Variants in SNX29 observed in about 807,000 individuals in gnomAD.
SNX29 encodes sorting nexin 29, also known as sorting nexin-29.
SNX29 carries 78 observed loss-of-function variants against 102.1 expected under a neutral mutation model. The observed-to-expected ratio is 0.76, with a 90% CI of 0.64 to 0.92. The LOEUF (loss-of-function observed/expected upper bound fraction) is 0.92, where lower values mean the gene tolerates loss of function less well. Ranked by LOEUF, SNX29 falls within the 40% of genes least tolerant of loss-of-function variation. SNX29 has a pLI of 0.00. For missense variants in SNX29, 1,280 were observed against 1,061.7 expected (o/e 1.21, Z -2.86); for synonymous variants, 580 against 414.5 (o/e 1.40, Z -4.85).
At chr16:12,263,981 C>G (rs1438813889) in intron 14 of SNX29, among the ~76,000 whole-genome samples, 2 of 152,220 alleles carry the variant, frequency 1.3e-5, no homozygotes, top group African/African-American at 2.4e-5. Flanking sequence ...ACCACCATTG[C>G]CATCCATGGA....
intron 11 of SNX29, chr16:12,090,334 C>CG (rs1306999756): frequency 6.6e-6 from 1 of 152,206 alleles, no homozygotes; most frequent in African/African-American, 2.4e-5. Context: ...CGGTGGGGAG[C>CG]GGCGGGGCTC....
chr16:12,502,114 A>G (rs1458545779), intron 19 of SNX29, among the ~76,000 whole-genome samples: 2 of 152,218 alleles, frequency 1.3e-5, no homozygotes, highest in African/African-American at 2.4e-5. Context: ...CTGGGCAGGC[A>G]ACATGCTCCG....
At chr16:12,553,238 CAG>C (rs772720423) in intron 20 of SNX29, among the ~76,000 whole-genome samples, 11 of 152,136 alleles carry the variant, frequency 7.2e-5, no homozygotes, top group Admixed American at 2.6e-4. Flanking sequence ...CTTGAGAATA[CAG>C]AGAGAGATTG....
chr16:12,195,973 C>T (rs1234138707), intron 13 of SNX29, among the ~76,000 whole-genome samples: 1 of 148,154 alleles, frequency 6.7e-6, no homozygotes, highest in Non-Finnish European at 1.5e-5. Context: ...CATTGAGCCT[C>T]AGTTTCTTTT....
intron 14 of SNX29, among the ~76,000 whole-genome samples, chr16:12,235,016 C>G (rs1215976703): frequency 6.6e-6 from 1 of 152,100 alleles, no homozygotes; most frequent in East Asian, 1.9e-4. Flanking sequence ...TTCCTCCTTT[C>G]CCTGTCTCTC....
intron 16 of SNX29, among the ~76,000 whole-genome samples, chr16:12,394,183 T>C (rs1597217310): frequency 6.6e-6 from 1 of 152,214 alleles, no homozygotes; most frequent in East Asian, 1.9e-4. Flanking sequence ...CATCTGTATA[T>C]GTCTACTCTG....
Position 12,572,203 on chromosome 16 carries a change from G to A in SNX29, c.*3574G>A, listed in dbSNP as rs1038982684. 9 of 977,130 alleles carry A rather than the reference G, an allele frequency of 9.2e-6. No individual in the cohort carries two copies. The highest frequency in any genetic ancestry group is 1.1e-5 in the Non-Finnish European group (9 of 799,918). The allele number at this position is 977,130 out of a possible 1,614,324, so 60.5% of individuals were successfully genotyped here. On this transcript the variant is annotated 3_prime_UTR_variant, in exon 21 of 21. Coordinates refer to ENST00000566228, the MANE Select transcript of SNX29 (RefSeq NM_032167.5). ...TTAGAACCATGGCAGGTAGTATTGTGCTTTAAAAACCAGAGGCTCCTGAAA... is the reference window on the plus strand; with the variant it reads ...TTAGAACCATGGCAGGTAGTATTGTACTTTAAAAACCAGAGGCTCCTGAAA...
chr16:12,154,821 C>G (rs987489043), intron 13 of SNX29, among the ~76,000 whole-genome samples: 4 of 152,166 alleles, frequency 2.6e-5, no homozygotes, highest in Non-Finnish European at 5.9e-5. Context: ...AGAGGTGAGG[C>G]TGCTCTCTGG....
chr16:12,229,379 T>C (rs1407291099), intron 14 of SNX29, among the ~76,000 whole-genome samples: 1 of 152,186 alleles, frequency 6.6e-6, no homozygotes, highest in Admixed American at 6.5e-5. Flanking sequence ...TGGATCTAAA[T>C]GAACATCTAA....
intron 18 of SNX29, among the ~76,000 whole-genome samples, chr16:12,470,252 G>A (rs1311105474): frequency 2.0e-5 from 3 of 152,150 alleles, no homozygotes; most frequent in Non-Finnish European, 4.4e-5. Flanking sequence ...GGAGAGGGAG[G>A]CATTTGGTCT....
At chr16:12,254,350 C>T (rs1033354997) in intron 14 of SNX29, among the ~76,000 whole-genome samples, 2 of 152,052 alleles carry the variant, frequency 1.3e-5, no homozygotes, top group African/African-American at 2.4e-5. Context: ...GAGATACCAG[C>T]AAAAGAGATG....
chr16:12,186,829 T>C (rs1296577482), intron 13 of SNX29, among the ~76,000 whole-genome samples: 1 of 152,214 alleles, frequency 6.6e-6, no homozygotes, highest in Non-Finnish European at 1.5e-5. Context: ...TGACAGGAAC[T>C]CAAGGCTTTT....
At chr16:12,040,514 C>T (rs1294487939) in intron 4 of SNX29, among the ~76,000 whole-genome samples, 1 of 152,194 alleles carries the variant, frequency 6.6e-6, no homozygotes, top group Non-Finnish European at 1.5e-5. Flanking sequence ...TTAGGTTTCC[C>T]ATAACGCCTT....
chr16:12,535,220 C>T (rs921778521), intron 20 of SNX29, among the ~76,000 whole-genome samples: 5 of 152,224 alleles, frequency 3.3e-5, no homozygotes, highest in Non-Finnish European at 5.9e-5. Context: ...CTCACTGCAA[C>T]CTCTGCCTCC....
At chr16:12,378,019 G>A (rs965573198) in intron 16 of SNX29, among the ~76,000 whole-genome samples, 2 of 152,188 alleles carry the variant, frequency 1.3e-5, no homozygotes, top group Non-Finnish European at 2.9e-5. Context: ...GATTCCAGTG[G>A]AAGAAACAGA....
chr16:12,278,123 C>T, intron 15 of SNX29, 87 bp downstream of exon 15: 4 of 1,191,004 alleles, frequency 3.4e-6, no homozygotes, highest in Non-Finnish European at 4.8e-6. Flanking sequence ...ATTCTAAAGA[C>T]ACGTGAGCAA....
chr16:12,042,779 C>G, intron 4 of SNX29, 118 bp from the exon 5 acceptor site: 1 of 1,037,416 alleles, frequency 9.6e-7, no homozygotes. Flanking sequence ...CCTACCTTTT[C>G]CATGCTAAGG....
intron 19 of SNX29, among the ~76,000 whole-genome samples, chr16:12,513,053 A>G (rs530093876): frequency 1.3e-5 from 2 of 152,096 alleles, no homozygotes; most frequent in East Asian, 3.9e-4. Flanking sequence ...ATGGGAGGGG[A>G]GTCCCACCAA....
chr16:12,104,587 A>C (rs991199104), intron 11 of SNX29, among the ~76,000 whole-genome samples: 1 of 151,488 alleles, frequency 6.6e-6, no homozygotes, highest in Non-Finnish European at 1.5e-5. Context: ...AAAAAAAAAA[A>C]CCCAAACCAA....
Sources: allele counts gnomAD v4.1 joint callset (sites outside exome capture counted in the v4.1 genomes callset), GRCh38; gene constraint gnomAD v4.1.1; transcripts MANE v1.5; gene names NCBI Gene and HGNC (gene_info 2026-07-23, HGNC 2026-07-21).